Variants in FLII observed in about 807,000 individuals in gnomAD.
FLII encodes FLII actin remodeling protein.
Under a neutral mutation model 156.2 loss-of-function variants are expected in FLII, and 101 were observed. The observed-to-expected ratio is 0.65, with a 90% confidence interval of 0.55 to 0.76. FLII has a LOEUF of 0.76. FLII is among the 30% of genes least tolerant of loss of function. FLII has a pLI of 0.00. For missense variants in FLII, 1,675 were observed against 1,682.8 expected (o/e 1.00, Z 0.08); for synonymous variants, 767 against 685.8 (o/e 1.12, Z -1.85).
At chr17:18,252,629 C>T in intron 9 of FLII, 73 bp from the exon 10 acceptor site, 1 of 1,235,372 alleles carries the variant, frequency 8.1e-7, no homozygotes, top group Non-Finnish European at 1.2e-6. Context: ...AACCCCTAGT[C>T]CTGGGGAGGG....
chr17:18,249,491 T>C lies in FLII; in HGVS notation c.1777-83A>G, dbSNP rs2048193813. On this transcript the variant is annotated intron_variant, in intron 14 of 29. Transcript: ENST00000327031. ...CTGCCCCTCAGGTGGGGGTACAGAG[T>C]TGCATACAGGTGAATTGAGTGCTAC... is the stretch of plus-strand genomic sequence containing the variant. The C allele has an allele frequency of 6.8e-6, 7 of 1,022,670 alleles. No homozygotes were observed. In the South Asian group the frequency reaches 9.2e-5, roughly 13 times the overall value. The allele number at this position is 1,022,670 out of a possible 1,614,324, so 63.3% of individuals were successfully genotyped here. A position where few individuals can be genotyped will look rare whatever the true frequency, so the allele number is the denominator to read the frequency against.
In FLII at chr17:18,245,055, C is replaced by T. The variant is rs928649369; in HGVS notation, c.*83G>A. On this transcript the variant is annotated 3_prime_UTR_variant, in exon 30 of 30. Transcript: ENST00000327031. Reference sequence around the variant, plus strand: ...TGGACGTGGCTGGAGCAGGTGGTGTCACCTGAGTACATTCTTTGCTAGCAG... The same window carrying T: ...TGGACGTGGCTGGAGCAGGTGGTGTTACCTGAGTACATTCTTTGCTAGCAG... 9.4e-6 allele frequency: 14 copies of T among 1,484,956 alleles called. No homozygotes were observed. The East Asian group carries it at 3.2e-4, about 34-fold the overall frequency. 92.0% of individuals were successfully genotyped at this position (1,484,956 alleles called of 1,614,324 possible). A position where few individuals can be genotyped will look rare whatever the true frequency, so the allele number is the denominator to read the frequency against.
chr17:18,256,936 G>T lies in FLII; in HGVS notation c.147C>A (p.Pro49=). Reference sequence around the variant, plus strand: ...GCTTCTGCAGGGCGGCCAGCTCCTCGGGCAGGTAGCAGAGGCCAGTGCGGT... The same window carrying T: ...GCTTCTGCAGGGCGGCCAGCTCCTCTGGCAGGTAGCAGAGGCCAGTGCGGT... ...KLNRTGLCYL[P]EELAALQKLE... is the part of the protein sequence containing the mutation. Residue 49 remains proline, a synonymous_variant, in exon 2 of 30, where the codon CCC becomes CCA. Coordinates refer to ENST00000327031, the MANE Select transcript of FLII (RefSeq NM_002018.4). 6.2e-7 allele frequency: 1 copy of T among 1,610,846 alleles called. No homozygotes were observed. Among genetic ancestry groups the T allele is most frequent in the Non-Finnish European group, 8.5e-7 (1 of 1,178,726 alleles).
At chr17:18,250,388 G>A (rs1355070189) in intron 14 of FLII, among the ~76,000 whole-genome samples, 6 of 152,124 alleles carry the variant, frequency 3.9e-5, no homozygotes, top group Admixed American at 3.3e-4. Context: ...CCAGCTGGCG[G>A]CTAACACTGC....
In FLII at chr17:18,245,749, G is replaced by A. The variant is rs552633072; in HGVS notation, c.3498C>T (p.Leu1166=). 3 of 1,613,898 alleles carry A rather than the reference G, an allele frequency of 1.9e-6. No individual in the cohort carries two copies. Among genetic ancestry groups the A allele is most frequent in the East Asian group, 2.2e-5 (1 of 44,864 alleles). ...GGTCAGGGCCCTGGCCTCACCGGAAGAGACGTGTGTGTTTCATGTACTCGG... is the reference window on the plus strand; with the variant it reads ...GGTCAGGGCCCTGGCCTCACCGGAAAAGACGTGTGTGTTTCATGTACTCGG... The part of the protein sequence containing the change: ...DDAEYMKHTR[L]FRCSNEKGYF... Residue 1166 remains leucine, a synonymous_variant, in exon 27 of 30, where the codon CTC becomes CTT. Coordinates refer to ENST00000327031, the MANE Select transcript of FLII (RefSeq NM_002018.4).
At chr17:18,251,946 T>G in intron 11 of FLII, 53 bp downstream of exon 11, 1 of 1,603,902 alleles carries the variant, frequency 6.2e-7, no homozygotes, top group Non-Finnish European at 8.5e-7. Context: ...AGATGTGTCA[T>G]TTGAGGCCTG....
At position 18,247,123 on chromosome 17, in the gene FLII, GCCC is replaced by G. The variant is rs765734701; in HGVS notation, c.2676+43_2676+45del. The stretch of plus-strand genomic sequence containing the variant: ...TGCGCATAGGCCCCGCCCTCGGCCT[GCCC>G]CCCACCCCCCCCCCCGCGCCCCGGT... On this transcript the variant is annotated intron_variant, in intron 21 of 29. Transcript: ENST00000327031. 1.3e-5 allele frequency: 16 copies of G among 1,249,346 alleles called. No individual in the cohort carries two copies. The African/African-American group carries it at 3.5e-4, about 27-fold the overall frequency. 77.4% of individuals were successfully genotyped at this position (1,249,346 alleles called of 1,614,324 possible).
Position 18,246,296 on chromosome 17 carries a change from C to T in FLII, c.3206+12G>A, listed in dbSNP as rs781604192. On this transcript the variant is annotated intron_variant, in intron 24 of 29. Transcript: ENST00000327031. ...CGCTTGCTCGCCACTGCGTCCTCCC[C>T]CAGCCAGGCACCGGGTGCAGAGGGC... 6 of 1,613,842 alleles carry T rather than the reference C, an allele frequency of 3.7e-6. No homozygotes were observed. Among genetic ancestry groups the T allele is most frequent in the Admixed American group, 3.3e-5 (2 of 60,006 alleles).
chr17:18,245,844 T>G lies in FLII; in HGVS notation c.3403A>C (p.Asn1135His). The change falls in exon 27 of 30, where the codon AAC becomes CAC. Residue 1135 changes from asparagine (N) to histidine (H), a missense_variant. By Grantham distance (68) the Asn-to-His change is moderately conservative. Transcript: ENST00000327031. ...AAGTTCTCAGGCTCCTCACCTTCGT[T>G]GATAACCTGCGGGAAAGGCCAGTCC... ...FDTSYSKQVI[N>H]EGEEPENFFW... 1 of 1,613,882 alleles carries G rather than the reference T, an allele frequency of 6.2e-7. No individual in the cohort carries two copies. Among genetic ancestry groups the G allele is most frequent in the Non-Finnish European group, 8.5e-7 (1 of 1,179,964 alleles).
In FLII at chr17:18,247,009, A is replaced by G; in HGVS notation, c.2720T>C (p.Met907Thr). 1 of 1,613,860 alleles carries G rather than the reference A, an allele frequency of 6.2e-7. No individual in the cohort carries two copies. Among genetic ancestry groups the G allele is most frequent in the Non-Finnish European group, 8.5e-7 (1 of 1,179,988 alleles). The stretch of plus-strand genomic sequence containing the variant: ...CTTGCCCTCCAGCACGAAACCCTCC[A>G]TGCCGTCTAGGTCTTCGTTCCACTC... Reference protein sequence around the residue: ...MEEWNEDLDGMEGFVLEGKKF... With the variant: ...MEEWNEDLDGTEGFVLEGKKF... Residue 907 changes from methionine (M) to threonine (T), a missense_variant, in exon 22 of 30, where the codon ATG (methionine) becomes ACG (threonine). Transcript: ENST00000327031.
intron 16 of FLII, 72 bp from the exon 17 acceptor site, chr17:18,248,955 C>A (rs1453101359): frequency 6.8e-7 from 1 of 1,471,108 alleles, no homozygotes; most frequent in Non-Finnish European, 9.5e-7. Flanking sequence ...CCTGACCCCA[C>A]CAAAAAAAAT....
At chr17:18,254,983 G>C in intron 4 of FLII, 129 bp from the exon 5 acceptor site, 2 of 984,592 alleles carry the variant, frequency 2.0e-6, no homozygotes, top group Non-Finnish European at 3.3e-6. Flanking sequence ...GCCAAAGGGA[G>C]ACAGCCAGGG....
rs1416972345 is a variant in FLII at position 18,246,656 on chromosome 17, A to G, written c.2989T>C (p.Trp997Arg). ...TGCAGGCTGAAGGTGAAGGTGAGCC[A>G]GCCCATATTGGAGGCTTCACGGCCC... is the stretch of plus-strand genomic sequence containing the variant. Reference protein sequence around the residue: ...WQGREASNMGWLTFTFSLQKK... With the variant: ...WQGREASNMGRLTFTFSLQKK... Residue 997 changes from tryptophan (W) to arginine (R), a missense_variant, in exon 23 of 30, where the codon TGG becomes CGG. Coordinates refer to ENST00000327031, the MANE Select transcript of FLII (RefSeq NM_002018.4). 6.2e-7 allele frequency: 1 copy of G among 1,613,934 alleles called. No individual in the cohort carries two copies.
In FLII at chr17:18,249,445, T is replaced by C. The variant is rs527740657; in HGVS notation, c.1777-37A>G. On this transcript the variant is annotated intron_variant, in intron 14 of 29. Coordinates refer to ENST00000327031, the MANE Select transcript of FLII (RefSeq NM_002018.4). ...AGGGTGTGGTTCTTCATCACTGAGCTGCCCCCTCCCCCACCAACCACTGCC... is the reference window on the plus strand; with the variant it reads ...AGGGTGTGGTTCTTCATCACTGAGCCGCCCCCTCCCCCACCAACCACTGCC... The C allele has an allele frequency of 1.4e-5, 21 of 1,549,250 alleles. No homozygotes were observed. The South Asian group carries it at 2.1e-4, about 16-fold the overall frequency.
In FLII at chr17:18,252,088, G is replaced by A. The variant is rs1377736558; in HGVS notation, c.1157C>T (p.Ala386Val). ...GAAGTCGATGTTGTACCACTCAGCG[G>A]CACGGTCTGCGGGCTTGGGCGGCAT... Reference protein sequence around the residue: ...LVMPPKPADRAAEWYNIDFSL... With the variant: ...LVMPPKPADRVAEWYNIDFSL... The change falls in exon 11 of 30, where the codon GCC becomes GTC. Residue 386 changes from alanine to valine, a missense_variant. Coordinates refer to ENST00000327031, the MANE Select transcript of FLII (RefSeq NM_002018.4). The A allele has an allele frequency of 6.2e-7, 1 of 1,613,324 alleles. No individual in the cohort carries two copies. The highest frequency in any genetic ancestry group is 8.5e-7 in the Non-Finnish European group (1 of 1,180,044).
rs1725610961 is a variant in FLII, at chr17:18,255,806, CG to C, written c.247-544del. Among the ~76,000 whole-genome samples the C allele has an allele frequency of 2.6e-5, 4 of 152,358 alleles. No homozygotes were observed. The South Asian group carries it at 8.3e-4, about 32-fold the overall frequency. On this transcript the variant is annotated intron_variant, in intron 3 of 29. Coordinates refer to ENST00000327031, the MANE Select transcript of FLII (RefSeq NM_002018.4). ...CACTTCTCCAGTCTGAATGCCTGTG[CG>C]GCACCCTGCTGCTGCTTCACGGGGT...
chr17:18,251,817 C>A lies in FLII; in HGVS notation c.1247-1G>T. 6.2e-7 allele frequency: 1 copy of A among 1,613,594 alleles called. No individual in the cohort carries two copies. Among genetic ancestry groups the A allele is most frequent in the Non-Finnish European group, 8.5e-7 (1 of 1,180,012 alleles). On this transcript the variant is annotated splice_acceptor_variant, in intron 11 of 29. Transcript: ENST00000327031. LOFTEE classifies it high-confidence loss of function. The stretch of plus-strand genomic sequence containing the variant: ...ATAGGGTCCTTGGGCCCACTCCCTG[C>A]TTAGGGGAGGGGCAAACAGCTGAGC...
chr17:18,251,482 G>A lies in FLII; in HGVS notation c.1384-5C>T. 2 of 1,599,484 alleles carry A rather than the reference G, an allele frequency of 1.3e-6. No homozygotes were observed. The highest frequency in any genetic ancestry group is 1.7e-6 in the Non-Finnish European group (2 of 1,172,216). ...GGCCCGGGCATCTGCGCTCTCCTGGGGGCAGAGTCACAGAGCACGGCTTGA... is the reference window on the plus strand; with the variant it reads ...GGCCCGGGCATCTGCGCTCTCCTGGAGGCAGAGTCACAGAGCACGGCTTGA... On this transcript the variant is annotated splice_polypyrimidine_tract_variant and splice_region_variant and intron_variant, in intron 12 of 29. Coordinates refer to ENST00000327031, the MANE Select transcript of FLII (RefSeq NM_002018.4).
chr17:18,248,464 A>G, intron 18 of FLII, 86 bp downstream of exon 18: 1 of 1,356,414 alleles, frequency 7.4e-7, no homozygotes, highest in Admixed American at 2.3e-5. Context: ...ATGGAGCCCA[A>G]AGCCAACTAC....
Sources: allele counts gnomAD v4.1 joint callset (sites outside exome capture counted in the v4.1 genomes callset), GRCh38; gene constraint gnomAD v4.1.1; transcripts MANE v1.5; gene names NCBI Gene and HGNC (gene_info 2026-07-23, HGNC 2026-07-21).